The following ADAMTS19 variants were observed in gnomAD, a reference collection of about 807,000 sequenced individuals.
ADAMTS19 encodes the protein A disintegrin and metalloproteinase with thrombospondin motifs 19.
Under a neutral mutation model 153.3 loss-of-function variants are expected in ADAMTS19, and 93 were observed. The observed-to-expected ratio is 0.61, with a 90% CI of 0.51 to 0.72. The LOEUF (loss-of-function observed/expected upper bound fraction) is 0.72, where lower values mean the gene tolerates loss of function less well. ADAMTS19 is among the 30% of genes least tolerant of loss of function. The pLI is 0.00. For missense variants in ADAMTS19, 1,482 were observed against 1,552.1 expected (o/e 0.95, Z 0.76); for synonymous variants, 600 against 556.6 (o/e 1.08, Z -1.10).
rs1161158524 is a variant in ADAMTS19 at position 129,527,774 on chromosome 5, T to G, written c.1113T>G (p.Ser371Arg). The G allele has an allele frequency of 2.5e-6, 4 of 1,593,882 alleles. No homozygotes were observed. The highest frequency in any genetic ancestry group is 3.4e-6 in the Non-Finnish European group (4 of 1,165,136). ...NMVFNLFQHK[S>R]LSVQVNLRVI... is the part of the protein sequence containing the mutation. ...TATTTAACCTTTTCCAACACAAGAG[T>G]CTGAGTGTGCAGGTCAATCTTCGTG... The change falls in exon 5 of 23, where the codon AGT becomes AGG. Residue 371 changes from serine (S) to arginine (R), a missense_variant. This residue lies in a region of ADAMTS19 where 866 missense variants were observed against 827.7 expected (regional missense o/e 1.05). Coordinates refer to ENST00000274487, the MANE Select transcript of ADAMTS19 (RefSeq NM_133638.6).
At chr5:129,625,714 T>A (rs535733875) in intron 10 of ADAMTS19, among the ~76,000 whole-genome samples, 306 of 152,320 alleles carry the variant, frequency 2.0e-3, no homozygotes, top group African/African-American at 7.0e-3. Flanking sequence ...TGTAAATTTG[T>A]TTAAGTTCTT....
At chr5:129,715,135 C>G (rs1057069626) in intron 21 of ADAMTS19, among the ~76,000 whole-genome samples, 1 of 152,068 alleles carries the variant, frequency 6.6e-6, no homozygotes, top group African/African-American at 2.4e-5. Flanking sequence ...GTACAAAGAA[C>G]ATTTTATTTG....
At position 129,719,152 on chromosome 5, in the gene ADAMTS19, A is replaced by G. The variant is rs1392642917; in HGVS notation, c.3312+14761A>G. Among the ~76,000 whole-genome samples the G allele has an allele frequency of 2.0e-5, 3 of 152,298 alleles. No homozygotes were observed. The East Asian group carries it at 5.8e-4, about 29-fold the overall frequency. The stretch of plus-strand genomic sequence containing the variant: ...TTTTTAATCTAACAAAAATTTAAAT[A>G]AACACCTTAGAGTGATATTTTTACT... On this transcript the variant is annotated intron_variant, in intron 21 of 22. Transcript: ENST00000274487.
chr5:129,619,882 T>G (rs1265151757), intron 8 of ADAMTS19, among the ~76,000 whole-genome samples: 2 of 151,938 alleles, frequency 1.3e-5, no homozygotes, highest in Non-Finnish European at 2.9e-5. Context: ...AAATAAATGA[T>G]GACTTGAAGA....
In ADAMTS19 at chr5:129,709,139, G is replaced by C. The variant is rs1310722599; in HGVS notation, c.3312+4748G>C. ...ATCTAAAAACTAATTTTTTCCTAAT[G>C]AATAAGCAAAATATACTTATCTAGA... is the stretch of plus-strand genomic sequence containing the variant. On this transcript the variant is annotated intron_variant, in intron 21 of 22. Coordinates refer to ENST00000274487, the MANE Select transcript of ADAMTS19 (RefSeq NM_133638.6). 9.9e-5 allele frequency among the ~76,000 whole-genome samples: 15 copies of C among 152,108 alleles called. No individual in the cohort carries two copies. The South Asian group carries it at 3.1e-3, about 32-fold the overall frequency.
intron 6 of ADAMTS19, among the ~76,000 whole-genome samples, chr5:129,548,588 C>A (rs1752950547): frequency 6.6e-6 from 1 of 151,300 alleles, no homozygotes; most frequent in South Asian, 2.1e-4. Flanking sequence ...GGACTGTAAA[C>A]TAGTTCAAAC....
chr5:129,586,812 T>C lies in ADAMTS19; in HGVS notation c.1373-9747T>C, dbSNP rs72790621. ...CTGCTGCTCCACATTCTCTTCAGCA[T>C]GTGGTGTTATCCGTGTTTTGAATTT... On this transcript the variant is annotated intron_variant, in intron 7 of 22. Coordinates refer to ENST00000274487, the MANE Select transcript of ADAMTS19 (RefSeq NM_133638.6). Among the ~76,000 whole-genome samples, 1,072 of 152,306 alleles carry C rather than the reference T, an allele frequency of 7.0e-3. 8 individuals are homozygous for C. The highest frequency in any genetic ancestry group is 0.01 in the Non-Finnish European group (696 of 68,014).
intron 21 of ADAMTS19, among the ~76,000 whole-genome samples, chr5:129,729,848 A>C (rs962975411): frequency 1.3e-5 from 2 of 152,042 alleles, no homozygotes; most frequent in African/African-American, 4.8e-5. Context: ...CTTGGAGTTG[A>C]TTATGTAAGA....
chr5:129,627,157 T>C (rs749606548), intron 10 of ADAMTS19, among the ~76,000 whole-genome samples: 20 of 152,206 alleles, frequency 1.3e-4, no homozygotes, highest in Non-Finnish European at 2.2e-4. Flanking sequence ...GGGGACATGA[T>C]ACTAAATAAC....
intron 7 of ADAMTS19, among the ~76,000 whole-genome samples, chr5:129,579,530 T>G (rs1241820150): frequency 2.0e-5 from 3 of 152,228 alleles, no homozygotes; most frequent in African/African-American, 4.8e-5. Context: ...GTGTCCTGAA[T>G]GGTATTACCT....
intron 10 of ADAMTS19, among the ~76,000 whole-genome samples, chr5:129,624,155 G>T (rs1751917799): frequency 7.3e-6 from 1 of 136,264 alleles, no homozygotes; most frequent in South Asian, 2.4e-4. Context: ...AAAAAAAAAG[G>T]CTGTACGGAC....
intron 6 of ADAMTS19, among the ~76,000 whole-genome samples, chr5:129,544,868 C>G (rs927327691): frequency 1.3e-5 from 2 of 152,084 alleles, no homozygotes; most frequent in African/African-American, 4.8e-5. Context: ...CATCCATCAC[C>G]CCAGGTTAGG....
intron 7 of ADAMTS19, among the ~76,000 whole-genome samples, chr5:129,565,908 A>G (rs944446145): frequency 6.6e-5 from 10 of 152,120 alleles, no homozygotes; most frequent in Non-Finnish European, 1.0e-4. Flanking sequence ...TTTTTAAGCA[A>G]CAGTATTGGG....
At chr5:129,558,390 A>C (rs1291271614) in intron 7 of ADAMTS19, among the ~76,000 whole-genome samples, 1 of 152,150 alleles carries the variant, frequency 6.6e-6, no homozygotes, top group African/African-American at 2.4e-5. Context: ...ATAGGCAGTA[A>C]GAAATTAAAA....
intron 10 of ADAMTS19, among the ~76,000 whole-genome samples, chr5:129,634,049 T>C (rs1003302174): frequency 2.6e-5 from 4 of 152,144 alleles, no homozygotes; most frequent in African/African-American, 9.7e-5. Flanking sequence ...TGATATGTTT[T>C]TCCAGTTGGA....
chr5:129,685,465 CAATA>C (rs1755041771), intron 18 of ADAMTS19, among the ~76,000 whole-genome samples: 1 of 151,574 alleles, frequency 6.6e-6, no homozygotes, highest in South Asian at 2.1e-4. Context: ...TCAAAAGTTG[CAATA>C]AATAAAAAAT....
intron 7 of ADAMTS19, among the ~76,000 whole-genome samples, chr5:129,568,753 T>C (rs539852911): frequency 2.0e-5 from 3 of 152,142 alleles, no homozygotes; most frequent in South Asian, 2.1e-4. Context: ...ACCCAGGAGT[T>C]TGAGGTTACA....
chr5:129,643,901 C>A (rs899310464), intron 11 of ADAMTS19, among the ~76,000 whole-genome samples: 2 of 152,056 alleles, frequency 1.3e-5, no homozygotes, highest in Admixed American at 6.5e-5. Context: ...TTTTATCATC[C>A]CTGAAACACA....
chr5:129,658,875 A>G, intron 15 of ADAMTS19, 138 bp downstream of exon 15: 1 of 969,130 alleles, frequency 1.0e-6, no homozygotes, highest in Non-Finnish European at 1.4e-6. Context: ...TTTTGTGATG[A>G]CATACAATAC....
Sources: allele counts gnomAD v4.1 joint callset (sites outside exome capture counted in the v4.1 genomes callset), GRCh38; gene constraint gnomAD v4.1.1; regional missense constraint gnomAD v4.1.1; transcripts MANE v1.5; gene names NCBI Gene and HGNC (gene_info 2026-07-23, HGNC 2026-07-21).